CAPSL: variants seen among roughly 807,000 people sequenced by gnomAD.
CAPSL encodes the protein calcyphosin-like protein.
Under a neutral mutation model 21.3 loss-of-function variants are expected in CAPSL, and 17 were observed. That is an observed-to-expected ratio of 0.80 (90% confidence interval 0.55 to 1.20). The LOEUF (loss-of-function observed/expected upper bound fraction) is 1.20, where lower values mean the gene tolerates loss of function less well. Among genes scored for constraint, CAPSL ranks in the 50% most tolerant of loss-of-function variants. CAPSL has a pLI of 0.00. For missense variants in CAPSL, 289 were observed against 259.3 expected, an observed-to-expected ratio of 1.11 and a Z score of -0.79; for synonymous variants, 102 against 89.3, an observed-to-expected ratio of 1.14 and a Z score of -0.80.
At chr5:35,919,172 T>A (rs4024107) in intron 2 of CAPSL, among the ~76,000 whole-genome samples, 14,310 of 65,396 alleles carry the variant, frequency 0.22, 848 homozygotes, top group East Asian at 0.38. Flanking sequence ...AAAAAAAAAA[T>A]ATATATATAT....
chr5:35,932,586 G>A (rs553921853), intron 1 of CAPSL, among the ~76,000 whole-genome samples: 36 of 152,060 alleles, frequency 2.4e-4, no homozygotes, highest in Admixed American at 2.6e-4. Context: ...CACCCCTAAG[G>A]TTCTGTTTAT....
intron 2 of CAPSL, 121 bp downstream of exon 2, chr5:35,920,863 A>G (rs1365868776): frequency 4.9e-6 from 5 of 1,017,466 alleles, no homozygotes; most frequent in Non-Finnish European, 7.1e-6. Flanking sequence ...ACATTTTACA[A>G]ATAAGGAACT....
chr5:35,922,982 A>G (rs1285098765), intron 1 of CAPSL, among the ~76,000 whole-genome samples: 2 of 151,768 alleles, frequency 1.3e-5, no homozygotes, highest in African/African-American at 4.8e-5. Context: ...CCCCACCCCA[A>G]CCCCTATGGA....
At chr5:35,916,244 C>A (rs889218794) in intron 2 of CAPSL, among the ~76,000 whole-genome samples, 1 of 152,054 alleles carries the variant, frequency 6.6e-6, no homozygotes, top group East Asian at 1.9e-4. Flanking sequence ...ACATTCCATG[C>A]TCATGGGTAG....
At chr5:35,918,622 G>A (rs1738453767) in intron 2 of CAPSL, among the ~76,000 whole-genome samples, 1 of 152,180 alleles carries the variant, frequency 6.6e-6, no homozygotes, top group African/African-American at 2.4e-5. Context: ...TTTTTTAAAA[G>A]ATGGAAAGTT....
chr5:35,906,512 CAG>C (rs1243634039), intron 4 of CAPSL, among the ~76,000 whole-genome samples: 1 of 152,164 alleles, frequency 6.6e-6, no homozygotes, highest in Non-Finnish European at 1.5e-5. Flanking sequence ...GCCTGAAACT[CAG>C]ATGTGCTGGC....
intron 1 of CAPSL, among the ~76,000 whole-genome samples, chr5:35,931,817 G>A (rs1336365652): frequency 2.0e-5 from 3 of 152,206 alleles, no homozygotes; most frequent in Non-Finnish European, 4.4e-5. Flanking sequence ...ATGTGCTTAA[G>A]ACCAACCAGG....
intron 1 of CAPSL, among the ~76,000 whole-genome samples, chr5:35,925,905 C>T (rs563385825): frequency 3.3e-5 from 5 of 151,946 alleles, no homozygotes; most frequent in Admixed American, 3.3e-4. Context: ...GGTGAAACTC[C>T]GTCTCTACCA....
chr5:35,930,601 C>T (rs700176), intron 1 of CAPSL, among the ~76,000 whole-genome samples: 60,013 of 151,938 alleles, frequency 0.39, 12,684 homozygotes, highest in East Asian at 0.68. Context: ...ACCTACCTTG[C>T]CCCACTCTAG....
At chr5:35,914,649 C>A (rs1341966357) in intron 2 of CAPSL, among the ~76,000 whole-genome samples, 1 of 152,072 alleles carries the variant, frequency 6.6e-6, no homozygotes, top group Non-Finnish European at 1.5e-5. Context: ...TAAAGATGTT[C>A]TTTGAAACCA....
intron 1 of CAPSL, among the ~76,000 whole-genome samples, chr5:35,922,077 A>G (rs983730082): frequency 1.3e-5 from 2 of 151,726 alleles, no homozygotes; most frequent in Admixed American, 6.6e-5. Flanking sequence ...TGCAGAAAAA[A>G]AAAAAAAAAC....
intron 4 of CAPSL, among the ~76,000 whole-genome samples, chr5:35,907,538 T>A (rs373163797): frequency 6.6e-6 from 1 of 152,212 alleles, no homozygotes; most frequent in Non-Finnish European, 1.5e-5. Flanking sequence ...TCACAGGTTA[T>A]CTGATTGCTT....
At chr5:35,915,991 A>G (rs1202175219) in intron 2 of CAPSL, among the ~76,000 whole-genome samples, 1 of 152,208 alleles carries the variant, frequency 6.6e-6, no homozygotes, top group Non-Finnish European at 1.5e-5. Flanking sequence ...AATCTTCTTA[A>G]GCTGATAAGC....
In CAPSL at chr5:35,919,170, A is replaced by AAAATATATATAT. The variant is rs754098152; in HGVS notation, c.137+1813_137+1814insATATATATATTT. 5.8e-5 allele frequency among the ~76,000 whole-genome samples: 7 copies of AAAATATATATAT among 121,276 alleles called. No homozygotes were observed. In the South Asian group the frequency reaches 1.8e-3, roughly 32 times the overall value. 79.6% of individuals were successfully genotyped at this position (121,276 alleles called of 152,430 possible). On this transcript the variant is annotated intron_variant, in intron 2 of 4. Transcript: ENST00000651391. ...AGTATCTTTCCTGATTAAAAAAAAA[A>AAAATATATATAT]ATATATATATATATATATATAAAAA... is the stretch of plus-strand genomic sequence containing the variant.
chr5:35,911,723 G>C (rs1457536656), intron 2 of CAPSL, among the ~76,000 whole-genome samples: 2 of 152,172 alleles, frequency 1.3e-5, no homozygotes, highest in Non-Finnish European at 2.9e-5. Context: ...TTTTAAAGTA[G>C]TCTATTTAAA....
intron 2 of CAPSL, among the ~76,000 whole-genome samples, chr5:35,917,260 T>G (rs990779861): frequency 6.6e-6 from 1 of 152,198 alleles, no homozygotes; most frequent in Admixed American, 6.5e-5. Flanking sequence ...ACTTTTACAC[T>G]GTTGGTGGGA....
At chr5:35,931,583 TC>T (rs750558732) in intron 1 of CAPSL, among the ~76,000 whole-genome samples, 9 of 152,152 alleles carry the variant, frequency 5.9e-5, no homozygotes, top group Non-Finnish European at 1.3e-4. Flanking sequence ...TTGCTTTTTT[TC>T]CCTTTGCTGT....
chr5:35,907,876 C>T (rs894205757), intron 4 of CAPSL, among the ~76,000 whole-genome samples: 1 of 152,280 alleles, frequency 6.6e-6, no homozygotes, highest in Middle Eastern at 3.4e-3. Flanking sequence ...GCTAATTATT[C>T]TTCTCATAAA....
At chr5:35,906,226 CTGTT>C (rs1446129864) in intron 4 of CAPSL, among the ~76,000 whole-genome samples, 2 of 152,104 alleles carry the variant, frequency 1.3e-5, no homozygotes, top group African/African-American at 2.4e-5. Context: ...TTTCTATTGT[CTGTT>C]TGTTGGCCAG....
Sources: allele counts gnomAD v4.1 joint callset (sites outside exome capture counted in the v4.1 genomes callset), GRCh38; gene constraint gnomAD v4.1.1; transcripts MANE v1.5; gene names NCBI Gene and HGNC (gene_info 2026-07-23, HGNC 2026-07-21).